CSMD1: variants seen among roughly 807,000 people sequenced by gnomAD.
CSMD1 encodes CUB and sushi domain-containing protein 1.
CSMD1 carries 213 observed loss-of-function variants against 417.5 expected under a neutral mutation model. The ratio of observed to expected loss-of-function variants is 0.51; its 90% confidence interval spans 0.46 to 0.57. The LOEUF (loss-of-function observed/expected upper bound fraction) is 0.57. Ranked by LOEUF, CSMD1 falls within the 20% of genes least tolerant of loss-of-function variation. CSMD1 has a pLI of 0.00. For missense variants in CSMD1, 6,923 were observed against 4,529.7 expected (o/e 1.53, Z -15.17); for synonymous variants, 2,862 against 1,736.8 (o/e 1.65, Z -16.11).
intron 1 of CSMD1, among the ~76,000 whole-genome samples, chr8:4,923,786 T>A (rs191904059): frequency 2.0e-5 from 3 of 152,234 alleles, no homozygotes; most frequent in African/African-American, 7.2e-5. Flanking sequence ...AGATTCAGTG[T>A]CCCAATGGTA....
intron 11 of CSMD1, among the ~76,000 whole-genome samples, chr8:3,483,576 A>T (rs185476062): frequency 1.3e-5 from 2 of 152,272 alleles, no homozygotes; most frequent in East Asian, 3.9e-4. Flanking sequence ...AAGATTTCAT[A>T]AACTCTTGCA....
rs541557117 is a variant in CSMD1, at chr8:3,188,896, C to T, written c.5514G>A (p.Ser1838=). 2.4e-5 allele frequency: 38 copies of T among 1,568,910 alleles called. No individual in the cohort carries two copies. The highest frequency in any genetic ancestry group is 9.5e-5 in the African/African-American group (7 of 73,970). ...GACTTCAAGGACTCACCTGAATTCC[C>T]GAGCCCTCCGTAACTATGATCTTCC... ...CIWKIIVTEG[S]GIQIQVISFA... The change falls in exon 35 of 70, where the codon TCG becomes TCA. Residue 1838 remains serine (S), a synonymous_variant. Transcript: ENST00000635120.
intron 5 of CSMD1, among the ~76,000 whole-genome samples, chr8:3,929,336 T>C (rs1264891200): frequency 6.6e-6 from 1 of 150,586 alleles, no homozygotes; most frequent in Non-Finnish European, 1.5e-5. Context: ...ACAAACTGCA[T>C]ACATAATTTT....
At chr8:3,950,938 C>T (rs538892728) in intron 5 of CSMD1, among the ~76,000 whole-genome samples, 2 of 152,148 alleles carry the variant, frequency 1.3e-5, no homozygotes, top group South Asian at 4.2e-4. Context: ...AAGCCCTGAA[C>T]AGACAAGAAG....
chr8:4,423,065 A>T (rs1293507544), intron 2 of CSMD1, among the ~76,000 whole-genome samples: 1 of 152,086 alleles, frequency 6.6e-6, no homozygotes, highest in African/African-American at 2.4e-5. Flanking sequence ...AATAAAAAAA[A>T]TTTAAAAAAG....
At chr8:3,956,192 C>A (rs1049158486) in intron 5 of CSMD1, among the ~76,000 whole-genome samples, 2 of 152,172 alleles carry the variant, frequency 1.3e-5, no homozygotes, top group African/African-American at 4.8e-5. Context: ...GGGGTATTAA[C>A]CATAACTAAA....
chr8:3,581,853 G>A (rs6997171), intron 9 of CSMD1, among the ~76,000 whole-genome samples: 57,753 of 151,984 alleles, frequency 0.38, 11,573 homozygotes, highest in Middle Eastern at 0.46. Context: ...CACCCAGGCT[G>A]GAGTATAGTG....
At chr8:3,618,704 A>G (rs1402854378) in intron 7 of CSMD1, among the ~76,000 whole-genome samples, 1 of 152,210 alleles carries the variant, frequency 6.6e-6, no homozygotes, top group East Asian at 1.9e-4. Flanking sequence ...CAGGAGCGCT[A>G]AATGACAGTA....
At chr8:4,318,545 G>A (rs556380650) in intron 3 of CSMD1, among the ~76,000 whole-genome samples, 18 of 152,174 alleles carry the variant, frequency 1.2e-4, no homozygotes, top group Non-Finnish European at 2.1e-4. Context: ...ATAAAGTTAC[G>A]TTAACAAGAG....
At chr8:3,482,772 A>T (rs1817821275) in intron 11 of CSMD1, among the ~76,000 whole-genome samples, 1 of 152,244 alleles carries the variant, frequency 6.6e-6, no homozygotes, top group African/African-American at 2.4e-5. Flanking sequence ...GAAATCATAG[A>T]GAATTTGTTC....
chr8:4,521,723 A>T (rs143616355), intron 2 of CSMD1, among the ~76,000 whole-genome samples: 3 of 152,196 alleles, frequency 2.0e-5, no homozygotes, highest in African/African-American at 2.4e-5. Context: ...ACATTTCAAT[A>T]GACATAGCTC....
At chr8:3,095,121 T>A (rs1815206918) in intron 47 of CSMD1, among the ~76,000 whole-genome samples, 2 of 152,128 alleles carry the variant, frequency 1.3e-5, no homozygotes, top group African/African-American at 4.8e-5. Flanking sequence ...GTAAGAGACT[T>A]AAAAGCATGG....
At chr8:4,790,856 G>C (rs944317349) in intron 1 of CSMD1, among the ~76,000 whole-genome samples, 14 of 152,032 alleles carry the variant, frequency 9.2e-5, no homozygotes, top group Non-Finnish European at 1.0e-4. Context: ...AGACTTAAAC[G>C]GAAAACCTAA....
intron 10 of CSMD1, among the ~76,000 whole-genome samples, chr8:3,569,571 C>A (rs1006541257): frequency 2.0e-5 from 3 of 152,194 alleles, no homozygotes; most frequent in African/African-American, 4.8e-5. Context: ...TATGCAAATT[C>A]TTCACATCCA....
intron 3 of CSMD1, among the ~76,000 whole-genome samples, chr8:4,097,381 G>T (rs953948815): frequency 6.6e-6 from 1 of 152,156 alleles, no homozygotes; most frequent in Admixed American, 6.6e-5. Context: ...CCACACACGG[G>T]TGTTATAAGA....
chr8:3,806,903 T>C (rs1049299695), intron 5 of CSMD1, among the ~76,000 whole-genome samples: 4 of 152,178 alleles, frequency 2.6e-5, no homozygotes, highest in Non-Finnish European at 5.9e-5. Flanking sequence ...TATAATTTAA[T>C]CCAGTAGTAG....
chr8:3,374,151 A>C (rs1196487884), intron 18 of CSMD1, among the ~76,000 whole-genome samples: 1 of 150,022 alleles, frequency 6.7e-6, no homozygotes, highest in African/African-American at 2.5e-5. Flanking sequence ...ACGGGGTTTC[A>C]CCTTGTTGTC....
chr8:3,563,634 T>C (rs1399936204), intron 10 of CSMD1, among the ~76,000 whole-genome samples: 2 of 152,110 alleles, frequency 1.3e-5, no homozygotes, highest in Non-Finnish European at 2.9e-5. Flanking sequence ...CTCATACTTG[T>C]AATCCCAGCA....
At chr8:3,775,908 C>T (rs1472102079) in intron 5 of CSMD1, among the ~76,000 whole-genome samples, 2 of 152,202 alleles carry the variant, frequency 1.3e-5, no homozygotes, top group African/African-American at 4.8e-5. Context: ...TCTCAATGAG[C>T]TCCTCCAGTC....
Sources: gnomAD v4.1 joint callset for allele counts (sites outside exome capture counted in the v4.1 genomes callset) on GRCh38, gnomAD v4.1.1 for gene constraint, MANE v1.5 for transcripts, NCBI Gene and HGNC (gene_info 2026-07-23, HGNC 2026-07-21) for gene names.